The following TMEM237 variants were observed in gnomAD, a reference collection of about 807,000 sequenced individuals.
TMEM237 encodes the protein amyotrophic lateral sclerosis 2 (juvenile) chromosome region, candidate 4.
In TMEM237, 51 loss-of-function variants were observed where a neutral mutation model predicts 59.1. The observed-to-expected ratio is 0.86, with a 90% CI of 0.69 to 1.09. TMEM237 has a LOEUF of 1.09. Ranked by LOEUF, TMEM237 falls within the 50% of genes least tolerant of loss-of-function variation. The pLI is 0.00. For missense variants in TMEM237, 475 were observed against 478.3 expected, an observed-to-expected ratio of 0.99 and a Z score of 0.06; for synonymous variants, 140 against 166.1, an observed-to-expected ratio of 0.84 and a Z score of 1.21.
In TMEM237 at chr2:201,621,830, A is replaced by C. The variant is rs1957710919; in HGVS notation, c.*2425T>G. 6.6e-6 allele frequency: 1 copy of C among 152,634 alleles called. No homozygotes were observed. The highest frequency in any genetic ancestry group is 1.5e-5 in the Non-Finnish European group (1 of 68,040). 9.5% of individuals were successfully genotyped at this position (152,634 alleles called of 1,614,324 possible). ...TTGCATGTCAATCTAGTCCACTGTA[A>C]GCTGGAGAAAGTTACATGAATTCTC... is the stretch of plus-strand genomic sequence containing the variant. On this transcript the variant is annotated 3_prime_UTR_variant, in exon 13 of 13. Transcript: ENST00000409883.
intron 8 of TMEM237, 123 bp downstream of exon 8, chr2:201,629,605 AC>A (rs1457078676): frequency 1.5e-6 from 2 of 1,378,628 alleles, no homozygotes; most frequent in African/African-American, 2.9e-5. Flanking sequence ...TAAAAAATAT[AC>A]CTACCTACCA....
chr2:201,628,085 C>G lies in TMEM237; in HGVS notation c.934G>C (p.Ala312Pro), dbSNP rs2105898403. The G allele has an allele frequency of 6.2e-7, 1 of 1,607,172 alleles. No individual in the cohort carries two copies. The highest frequency in any genetic ancestry group is 8.5e-7 in the Non-Finnish European group (1 of 1,176,534). The change falls in exon 10 of 13, where the codon GCA becomes CCA. Residue 312 changes from alanine to proline, a missense_variant. By Grantham distance (27) the Ala-to-Pro change is conservative (BLOSUM62 -1). Transcript: ENST00000409883. ...NFLALDPTAL[A>P]SFLYFTALIL... The stretch of plus-strand genomic sequence containing the variant: ...TAAACTGCTTACTCACAGAAAGATG[C>G]TAAAGCTGTAGGATCCAGGGCCAAA...
chr2:201,633,699 C>G (rs908017424), intron 5 of TMEM237, among the ~76,000 whole-genome samples: 2 of 152,142 alleles, frequency 1.3e-5, no homozygotes, highest in Non-Finnish European at 2.9e-5. Flanking sequence ...TCTCCTGGTT[C>G]GCTGACTTTC....
chr2:201,627,989 C>A, intron 10 of TMEM237, 87 bp downstream of exon 10: 1 of 997,726 alleles, frequency 1.0e-6, no homozygotes, highest in Non-Finnish European at 1.5e-6. Flanking sequence ...AGTAATACAA[C>A]TTTTAAAAAA....
rs1459433205 is a variant in TMEM237, at chr2:201,621,760, G to C, written c.*2495C>G. 1 of 152,650 alleles carries C rather than the reference G, an allele frequency of 6.6e-6. No individual in the cohort carries two copies. The allele number at this position is 152,650 out of a possible 1,614,324, so 9.5% of individuals were successfully genotyped here. The stretch of plus-strand genomic sequence containing the variant: ...GGCAATAAAAGTATTTTAAGTCAGT[G>C]AGTAATGAGAAACCATGATGCCCTA... On this transcript the variant is annotated 3_prime_UTR_variant, in exon 13 of 13. Transcript: ENST00000409883.
Position 201,643,280 on chromosome 2 carries a change from C to CA in TMEM237, c.42+78_42+79insT. On this transcript the variant is annotated intron_variant, in intron 1 of 12. Transcript: ENST00000409883. This position sits in a 1 kb window ranked among gnomAD's most constrained non-coding sequence, Gnocchi z 4.3. ...TGATTCCCAGCTCGTTGGCGCCCCCCCACACACACCCACCCCCACTGCCAA... is the reference window on the plus strand; with the variant it reads ...TGATTCCCAGCTCGTTGGCGCCCCCCACACACACACCCACCCCCACTGCCAA... 1 of 1,334,876 alleles carries CA rather than the reference C, an allele frequency of 7.5e-7. No homozygotes were observed. Among genetic ancestry groups the CA allele is most frequent in the Non-Finnish European group, 1.0e-6 (1 of 958,266 alleles). The allele number at this position is 1,334,876 out of a possible 1,614,324, so 82.7% of individuals were successfully genotyped here. A position where few individuals can be genotyped will look rare whatever the true frequency, so the allele number is the denominator to read the frequency against.
Position 201,643,284 on chromosome 2 carries a change from A to ACACACC in TMEM237, c.42+69_42+74dup. 1.0e-6 allele frequency: 1 copy of ACACACC among 1,001,228 alleles called. No homozygotes were observed. The highest frequency in any genetic ancestry group is 1.5e-6 in the Non-Finnish European group (1 of 683,166). The allele number at this position is 1,001,228 out of a possible 1,614,324, so 62.0% of individuals were successfully genotyped here. On this transcript the variant is annotated intron_variant, in intron 1 of 12. Transcript: ENST00000409883. This position sits in a 1 kb window ranked among gnomAD's most constrained non-coding sequence, Gnocchi z 4.3. ...TCCCAGCTCGTTGGCGCCCCCCCAC[A>ACACACC]CACACCCACCCCCACTGCCAAGTGT... is the stretch of plus-strand genomic sequence containing the variant.
chr2:201,626,292 G>GT, intron 11 of TMEM237, 145 bp from the exon 12 acceptor site: 1 of 855,188 alleles, frequency 1.2e-6, no homozygotes, highest in Non-Finnish European at 1.8e-6. Context: ...TAATTTCCCT[G>GT]TAAAATATAC....
rs970318420 is a variant in TMEM237, at chr2:201,622,494, T to C, written c.*1761A>G. 6.6e-6 allele frequency: 1 copy of C among 152,306 alleles called. No individual in the cohort carries two copies. The highest frequency in any genetic ancestry group is 1.5e-5 in the Non-Finnish European group (1 of 68,096). The allele number at this position is 152,306 out of a possible 1,614,324, so 9.4% of individuals were successfully genotyped here. On this transcript the variant is annotated 3_prime_UTR_variant, in exon 13 of 13. Coordinates refer to ENST00000409883, the MANE Select transcript of TMEM237 (RefSeq NM_001044385.3). ...GGTTATGTGACTGAAATCCATTTCC[T>C]TGCTCATTGTTGGCCAAGGGCCGTA...
intron 8 of TMEM237, 34 bp from the exon 9 acceptor site, chr2:201,629,455 AT>A (rs1015803198): frequency 6.8e-7 from 1 of 1,474,004 alleles, no homozygotes; most frequent in African/African-American, 1.4e-5. Context: ...TTATACATGA[AT>A]TACTAAAGTA....
chr2:201,641,707 CAT>C (rs10586927), intron 1 of TMEM237, among the ~76,000 whole-genome samples: 60,034 of 149,400 alleles, frequency 0.4, 12,795 homozygotes, highest in Non-Finnish European at 0.49. Context: ...ATCGTGTGTG[CAT>C]ATATATATAT....
intron 1 of TMEM237, chr2:201,642,775 G>A: frequency 7.0e-7 from 1 of 1,431,776 alleles, no homozygotes; most frequent in South Asian, 1.5e-5. Context: ...GGGATGTTGC[G>A]GTGAGAGGCG....
Position 201,643,280 on chromosome 2 carries a change from CCACA to C in TMEM237, c.42+75_42+78del. On this transcript the variant is annotated intron_variant, in intron 1 of 12. Coordinates refer to ENST00000409883, the MANE Select transcript of TMEM237 (RefSeq NM_001044385.3). The surrounding 1 kb of genome is among the most constrained non-coding windows in gnomAD (Gnocchi z 4.3). ...TGATTCCCAGCTCGTTGGCGCCCCC[CCACA>C]CACACCCACCCCCACTGCCAAGTGT... 7.5e-7 allele frequency: 1 copy of C among 1,334,878 alleles called. No homozygotes were observed. The highest frequency in any genetic ancestry group is 1.0e-6 in the Non-Finnish European group (1 of 958,264). 82.7% of individuals were successfully genotyped at this position (1,334,878 alleles called of 1,614,324 possible). A position where few individuals can be genotyped will look rare whatever the true frequency, so the allele number is the denominator to read the frequency against.
At chr2:201,626,534 GAAA>G (rs751155005) in intron 11 of TMEM237, among the ~76,000 whole-genome samples, 3 of 96,036 alleles carry the variant, frequency 3.1e-5, no homozygotes, top group African/African-American at 1.2e-4. Context: ...AGCATTTGGG[GAAA>G]AAAAAAAAAA....
At chr2:201,627,551 T>C (rs1317589674) in intron 10 of TMEM237, 137 bp from the exon 11 acceptor site, 1 of 584,726 alleles carries the variant, frequency 1.7e-6, no homozygotes, top group Admixed American at 3.1e-5. Context: ...AATAAATATA[T>C]TTCAATAGGC....
chr2:201,634,715 T>G, intron 5 of TMEM237: 1 of 204,888 alleles, frequency 4.9e-6, no homozygotes, highest in South Asian at 8.4e-5. Context: ...ACCATTTCTG[T>G]CTCTTTTCCT....
intron 11 of TMEM237, 178 bp from the exon 12 acceptor site, chr2:201,626,325 G>T: frequency 1.6e-6 from 1 of 614,016 alleles, no homozygotes; most frequent in Non-Finnish European, 2.7e-6. Context: ...GAGAACAAGG[G>T]TTCAAAGGTT....
Position 201,629,435 on chromosome 2 carries a change from G to C in TMEM237, c.678-14C>G, listed in dbSNP as rs1957789118. 6.5e-7 allele frequency: 1 copy of C among 1,527,650 alleles called. No individual in the cohort carries two copies. The highest frequency in any genetic ancestry group is 8.7e-7 in the Non-Finnish European group (1 of 1,145,256). The allele number at this position is 1,527,650 out of a possible 1,614,324, so 94.6% of individuals were successfully genotyped here. Reference sequence around the variant, plus strand: ...AGACCAATCATCCTGAATGGAAAAGGGTTTGATTATTATACATGAATTACT... The same window carrying C: ...AGACCAATCATCCTGAATGGAAAAGCGTTTGATTATTATACATGAATTACT... On this transcript the variant is annotated splice_polypyrimidine_tract_variant and intron_variant, in intron 8 of 12. Coordinates refer to ENST00000409883, the MANE Select transcript of TMEM237 (RefSeq NM_001044385.3).
intron 1 of TMEM237, chr2:201,642,904 C>T (rs1189971768): frequency 7.5e-6 from 10 of 1,337,860 alleles, no homozygotes; most frequent in South Asian, 2.0e-5. Flanking sequence ...CACAGCTTTC[C>T]CGTGGTTTCC....
Sources: gnomAD v4.1 joint callset for allele counts (sites outside exome capture counted in the v4.1 genomes callset) on GRCh38, gnomAD v4.1.1 for gene constraint, Gnocchi (gnomAD v3.1) non-coding constraint, MANE v1.5 for transcripts, NCBI Gene and HGNC (gene_info 2026-07-23, HGNC 2026-07-21) for gene names.